PDIA6: variants seen among roughly 807,000 people sequenced by gnomAD.
The protein encoded by PDIA6 is protein disulfide-isomerase A6.
In PDIA6, 29 loss-of-function variants were observed where a neutral mutation model predicts 58.4. The observed-to-expected ratio is 0.50, with a 90% CI of 0.37 to 0.68. The LOEUF (loss-of-function observed/expected upper bound fraction) is 0.68, where lower values mean the gene tolerates loss of function less well. PDIA6 is among the 30% of genes least tolerant of loss of function. PDIA6 has a pLI of 0.00. For missense variants in PDIA6, 480 were observed against 551.0 expected (o/e 0.87, Z 1.29); for synonymous variants, 192 against 202.6 (o/e 0.95, Z 0.44).
upstream of PDIA6, among the ~76,000 whole-genome samples, chr2:10,816,349 G>A (rs1667192915): frequency 6.7e-6 from 1 of 150,002 alleles, no homozygotes; most frequent in African/African-American, 2.4e-5. Context: ...ACCTCCCAAA[G>A]TGCTGGGATT....
At chr2:10,797,334 A>G in intron 3 of PDIA6, 127 bp from the exon 4 acceptor site, 1 of 854,050 alleles carries the variant, frequency 1.2e-6, no homozygotes, top group East Asian at 2.6e-5. Context: ...GCAATCAGTC[A>G]ATAAGGGCTT....
At position 10,787,440 on chromosome 2, in the gene PDIA6, C is replaced by G; in HGVS notation, c.999-1G>C. 3 of 1,608,220 alleles carry G rather than the reference C, an allele frequency of 1.9e-6. No individual in the cohort carries two copies. The highest frequency in any genetic ancestry group is 2.5e-6 in the Non-Finnish European group (3 of 1,177,056). On this transcript the variant is annotated splice_acceptor_variant, in intron 10 of 12. Transcript: ENST00000272227. LOFTEE classifies it high-confidence loss of function. ...GGCTCCAGCTTCTGTCCACAGCCAC[C>G]TAGAAAACCAGACTGGTTTTTAGGG...
intron 10 of PDIA6, among the ~76,000 whole-genome samples, chr2:10,788,376 C>A (rs1277835252): frequency 6.6e-6 from 1 of 151,858 alleles, no homozygotes; most frequent in South Asian, 2.1e-4. Context: ...CAGAGCAGGC[C>A]GGGTGCGGTG....
chr2:10,821,933 C>T (rs1212854213), intron 1 of PDIA6, among the ~76,000 whole-genome samples: 3 of 133,436 alleles, frequency 2.2e-5, no homozygotes, highest in South Asian at 2.6e-4. Context: ...CTTATATAAA[C>T]GATTTTTAAA....
At chr2:10,799,043 G>C (rs1429238062) in intron 2 of PDIA6, among the ~76,000 whole-genome samples, 1 of 151,942 alleles carries the variant, frequency 6.6e-6, no homozygotes, top group Non-Finnish European at 1.5e-5. Context: ...GGAAGAGAGT[G>C]GGGAGAGGAG....
At chr2:10,787,107 C>T (rs899350777) in intron 11 of PDIA6, among the ~76,000 whole-genome samples, 174 bp downstream of exon 11, 2 of 152,138 alleles carry the variant, frequency 1.3e-5, no homozygotes, top group African/African-American at 2.4e-5. Context: ...GAAAAAAGAA[C>T]GAACAGGGAG....
chr2:10,788,923 GC>G lies in PDIA6; in HGVS notation c.898del (p.Ala300LeufsTer22), dbSNP rs746421434. The G allele has an allele frequency of 1.1e-5, 17 of 1,613,778 alleles. No individual in the cohort carries two copies. The African/African-American group carries it at 1.9e-4, about 18-fold the overall frequency. The stretch of plus-strand genomic sequence containing the variant: ...AGTATCAAGGATATGGGGCAGCACA[GC>G]CACAACACAGAGCTGGTGCTCCTCA... ...TCEEHQLCVV[A>X]VLPHILDTGA... On this transcript the variant is annotated frameshift_variant, in exon 9 of 13. Coordinates refer to ENST00000272227, the MANE Select transcript of PDIA6 (RefSeq NM_005742.4). LOFTEE classifies it high-confidence loss of function.
intron 1 of PDIA6, among the ~76,000 whole-genome samples, chr2:10,829,364 C>T (rs548713507): frequency 1.3e-5 from 2 of 152,350 alleles, no homozygotes; most frequent in Admixed American, 6.5e-5. Context: ...TGTCCCCTCT[C>T]TTAGTTGAGC....
intron 1 of PDIA6, among the ~76,000 whole-genome samples, chr2:10,811,230 C>A (rs754704570): frequency 3.9e-5 from 6 of 152,170 alleles, no homozygotes; most frequent in Non-Finnish European, 8.8e-5. Flanking sequence ...ATATTTACAT[C>A]TCTTTAAAAC....
intron 11 of PDIA6, among the ~76,000 whole-genome samples, chr2:10,785,808 G>A (rs772377450): frequency 2.0e-5 from 3 of 152,130 alleles, no homozygotes; most frequent in Admixed American, 6.5e-5. Context: ...TCACTGCAAC[G>A]TCCACCTCCT....
Position 10,837,585 on chromosome 2 carries a change from AG to A in PDIA6, c.20del (p.Pro7LeufsTer12). ...TTGATCCTCGGGACACTTTGGAGGCAGGGGCTGTGATTATCCTCATTTTGCA... is the reference window on the plus strand; with the variant it reads ...TTGATCCTCGGGACACTTTGGAGGCAGGGCTGTGATTATCCTCATTTTGCA... On this transcript the variant is annotated frameshift_variant, in exon 1 of 14. Transcript: ENST00000404824. LOFTEE classifies it high-confidence loss of function. 2 of 848,610 alleles carry A rather than the reference AG, an allele frequency of 2.4e-6. No individual in the cohort carries two copies. Among genetic ancestry groups the A allele is most frequent in the Non-Finnish European group, 1.9e-6 (1 of 518,682 alleles). The allele number at this position is 848,610 out of a possible 1,614,324, so 52.6% of individuals were successfully genotyped here.
intron 5 of PDIA6, among the ~76,000 whole-genome samples, chr2:10,792,436 C>A (rs1438316969): frequency 2.0e-5 from 3 of 152,164 alleles, no homozygotes; most frequent in African/African-American, 7.2e-5. Context: ...GGGGGCCAGG[C>A]AACTATGCTC....
Position 10,784,055 on chromosome 2 carries a change from A to T in PDIA6, c.*203T>A, listed in dbSNP as rs1665570378. ...CAGAATACGACTCAATTCACCGGCT[A>T]CAACAATTCATAGAATTTTTCAATG... On this transcript the variant is annotated 3_prime_UTR_variant, in exon 13 of 13. Transcript: ENST00000272227. The T allele has an allele frequency of 4.7e-6, 2 of 429,402 alleles. No individual in the cohort carries two copies. Among genetic ancestry groups the T allele is most frequent in the Non-Finnish European group, 8.3e-6 (2 of 242,420 alleles). The allele number at this position is 429,402 out of a possible 1,614,324, so 26.6% of individuals were successfully genotyped here.
chr2:10,801,777 T>C (rs1224942137), intron 2 of PDIA6, among the ~76,000 whole-genome samples: 1 of 152,236 alleles, frequency 6.6e-6, no homozygotes, highest in Non-Finnish European at 1.5e-5. Flanking sequence ...AAGGAAAAAG[T>C]TTCATCAGGC....
rs184434749 is a variant in PDIA6, at chr2:10,827,157, G to A, written c.-48+5045C>T. 3.3e-5 allele frequency among the ~76,000 whole-genome samples: 5 copies of A among 152,210 alleles called. No individual in the cohort carries two copies. The East Asian group carries it at 9.7e-4, about 29-fold the overall frequency. ...CGGCTCACTGCAACCTCCGCCTCCC[G>A]GGTTTAAGCAATTTCCTGCCTCAAC... On this transcript the variant is annotated intron_variant, in intron 1 of 13. Transcript: ENST00000381611.
chr2:10,793,499 C>G (rs1666131201), intron 4 of PDIA6, among the ~76,000 whole-genome samples: 1 of 151,410 alleles, frequency 6.6e-6, no homozygotes, highest in Admixed American at 6.6e-5. Flanking sequence ...ACTGCAACCT[C>G]CGCCTCCCGG....
At chr2:10,815,724 T>C (rs1231257406), upstream of PDIA6, among the ~76,000 whole-genome samples, 1 of 152,134 alleles carries the variant, frequency 6.6e-6, no homozygotes, top group Non-Finnish European at 1.5e-5. Context: ...TTTGTATTTT[T>C]AGTAGAGACG....
intron 1 of PDIA6, among the ~76,000 whole-genome samples, chr2:10,826,112 C>T (rs1489675234): frequency 2.6e-5 from 4 of 152,214 alleles, no homozygotes; most frequent in Non-Finnish European, 5.9e-5. Flanking sequence ...AAGTGCCATG[C>T]TATACAACGG....
chr2:10,806,367 CAAA>C (rs71392260), intron 1 of PDIA6, among the ~76,000 whole-genome samples: 31 of 106,300 alleles, frequency 2.9e-4, no homozygotes, highest in Admixed American at 8.1e-4. Flanking sequence ...GACCTTGTCT[CAAA>C]AAAAAAAAAA....
Sources: allele counts gnomAD v4.1 joint callset (sites outside exome capture counted in the v4.1 genomes callset), GRCh38; gene constraint gnomAD v4.1.1; transcripts MANE v1.5; gene names NCBI Gene and HGNC (gene_info 2026-07-23, HGNC 2026-07-21).